The following MYH8 variants were observed in gnomAD, a reference collection of about 807,000 sequenced individuals.
The protein encoded by MYH8 is myosin heavy chain 8.
Under a neutral mutation model 233.2 loss-of-function variants are expected in MYH8, and 168 were observed. The observed-to-expected ratio is 0.72, with a 90% CI of 0.64 to 0.82. MYH8 has a LOEUF of 0.82. Ranked by LOEUF, MYH8 falls within the 40% of genes least tolerant of loss-of-function variation. MYH8 has a pLI of 0.00. For missense variants in MYH8, 1,995 were observed against 2,327.8 expected, an observed-to-expected ratio of 0.86 and a Z score of 2.94; for synonymous variants, 785 against 850.6, an observed-to-expected ratio of 0.92 and a Z score of 1.34.
intron 5 of MYH8, among the ~76,000 whole-genome samples, chr17:10,418,025 G>T (rs533486490): frequency 6.6e-6 from 1 of 152,342 alleles, no homozygotes; most frequent in East Asian, 1.9e-4. Flanking sequence ...GCGTATCAAA[G>T]CTGGTTGTTT....
At position 10,394,320 on chromosome 17, in the gene MYH8, CT is replaced by C. The variant is rs749506009; in HGVS notation, c.5094del (p.Glu1699ArgfsTer35). ...IEELWATLEQTERSRKIAEQE... is the reference protein window; with the variant it reads ...IEELWATLEQXERSRKIAEQE... ...TGTTCGGCGATTTTCCTGCTTCTCTCTGTCTGTTCCAGAGTGGCCCACAGCT... is the reference window on the plus strand; with the variant it reads ...TGTTCGGCGATTTTCCTGCTTCTCTCGTCTGTTCCAGAGTGGCCCACAGCT... On this transcript the variant is annotated frameshift_variant, in exon 35 of 40. Coordinates refer to ENST00000403437, the MANE Select transcript of MYH8 (RefSeq NM_002472.3). LOFTEE classifies it high-confidence loss of function. 6.2e-7 allele frequency: 1 copy of C among 1,613,998 alleles called. No individual in the cohort carries two copies. The highest frequency in any genetic ancestry group is 1.3e-5 in the African/African-American group (1 of 74,908).
rs1063927 is a variant in MYH8 at position 10,398,860 on chromosome 17, T to G, written c.3889A>C (p.Lys1297Gln). The change falls in exon 29 of 40, where the codon AAA becomes CAA. Residue 1297 changes from lysine to glutamine, a missense_variant. Physicochemically the swap from Lys to Gln is moderately conservative, Grantham distance 53. This residue lies in a region of MYH8 where 1,498 missense variants were observed against 1,680.9 expected (regional missense o/e 0.89). Transcript: ENST00000403437. ...GAAAGCTGAGAGACTAAAGCATCTT[T>G]CTCATCTAATTGTCGAGAATATTCA... ...AGEYSRQLDE[K>Q]DALVSQLSRS... The G allele has an allele frequency of 1.9e-6, 3 of 1,613,484 alleles. No individual in the cohort carries two copies. Among genetic ancestry groups the G allele is most frequent in the South Asian group, 2.2e-5 (2 of 91,072 alleles).
At chr17:10,398,102 A>G (rs1473156778) in intron 30 of MYH8, among the ~76,000 whole-genome samples, 1 of 152,138 alleles carries the variant, frequency 6.6e-6, no homozygotes, top group Non-Finnish European at 1.5e-5. Context: ...GAGTTTTAAG[A>G]GGTATGTCTT....
rs746730395 is a variant in MYH8 at position 10,406,096 on chromosome 17, CT to C, written c.2376del (p.Ala793LeufsTer7). Reference protein sequence around the residue: ...EKLAQIITRTQAVCRGFLMRV... With the variant: ...EKLAQIITRTXAVCRGFLMRV... ...CTCATTAGGAATCCCCTACAGACAG[CT>C]TGTGTTCTTGTTATAATTTGGGCTA... On this transcript the variant is annotated frameshift_variant, in exon 21 of 40. Transcript: ENST00000403437. LOFTEE classifies it high-confidence loss of function. The C allele has an allele frequency of 1.9e-6, 3 of 1,613,976 alleles. No homozygotes were observed. The African/African-American group carries it at 4.0e-5, about 22-fold the overall frequency.
In MYH8 at chr17:10,394,455, A is replaced by C. The variant is rs767902908; in HGVS notation, c.4963-3T>G. 6.2e-7 allele frequency: 1 copy of C among 1,614,058 alleles called. No individual in the cohort carries two copies. The highest frequency in any genetic ancestry group is 1.1e-5 in the South Asian group (1 of 91,064). On this transcript the variant is annotated splice_polypyrimidine_tract_variant and splice_region_variant and intron_variant, in intron 34 of 39. Transcript: ENST00000403437. Reference sequence around the variant, plus strand: ...TCATCCAGGTGGAGCTGGGTTTCCTAATAAGTGAAAAACAGAAAGGCCTTA... The same window carrying C: ...TCATCCAGGTGGAGCTGGGTTTCCTCATAAGTGAAAAACAGAAAGGCCTTA...
Position 10,410,843 on chromosome 17 carries a change from T to C in MYH8, c.1521A>G (p.Glu507=), listed in dbSNP as rs1397518729. Residue 507 remains glutamate (E), a synonymous_variant, in exon 15 of 40, where the codon GAA becomes GAG. Transcript: ENST00000403437. ...FVLEQEEYKK[E]GIEWTFIDFG... is the part of the protein sequence containing the mutation. ...AGTCAATGAACGTCCACTCGATGCC[T>C]TCCTTCTTGTACTCCTCCTGCTCTA... 1.2e-6 allele frequency: 2 copies of C among 1,613,976 alleles called. No homozygotes were observed. Among genetic ancestry groups the C allele is most frequent in the African/African-American group, 1.3e-5 (1 of 75,006 alleles).
intron 22 of MYH8, among the ~76,000 whole-genome samples, 185 bp from the exon 23 acceptor site, chr17:10,401,970 A>G (rs149317757): frequency 6.6e-6 from 1 of 152,336 alleles, no homozygotes; most frequent in African/African-American, 2.4e-5. Context: ...GTGAGACTAT[A>G]GCTTTAGAAG....
At chr17:10,421,631 G>A (rs1016217404) in intron 2 of MYH8, 32 bp downstream of exon 2, 13 of 152,122 alleles carry the variant, frequency 8.5e-5, no homozygotes, top group African/African-American at 2.9e-4. Flanking sequence ...TATCCCCTCT[G>A]TCATCAATAA....
At position 10,404,530 on chromosome 17, in the gene MYH8, A is replaced by C. The variant is rs763703050; in HGVS notation, c.2488T>G (p.Trp830Gly). 1.1e-5 allele frequency: 17 copies of C among 1,614,050 alleles called. No individual in the cohort carries two copies. The highest frequency in any genetic ancestry group is 1.4e-5 in the Non-Finnish European group (16 of 1,179,936). The change falls in exon 22 of 40, where the codon TGG (tryptophan) becomes GGG (glycine). Residue 830 changes from tryptophan (W) to glycine (G), a missense_variant. Physicochemically the swap from Trp to Gly is radical, Grantham distance 184. Coordinates refer to ENST00000403437, the MANE Select transcript of MYH8 (RefSeq NM_002472.3). ...TTGAAAAAGAGTTTCATCCAGGGCCAGTGCTTGACGTTCATGAAGGCACGG... is the reference window on the plus strand; with the variant it reads ...TTGAAAAAGAGTTTCATCCAGGGCCCGTGCTTGACGTTCATGAAGGCACGG... ...NVRAFMNVKH[W>G]PWMKLFFKIK... is the part of the protein sequence containing the mutation.
rs561477317 is a variant in MYH8, at chr17:10,419,879, G to T, written c.210+139C>A. 1 of 956,212 alleles carries T rather than the reference G, an allele frequency of 1.0e-6. No homozygotes were observed. The highest frequency in any genetic ancestry group is 1.7e-6 in the Non-Finnish European group (1 of 598,150). 59.2% of individuals were successfully genotyped at this position (956,212 alleles called of 1,614,324 possible). On this transcript the variant is annotated intron_variant, in intron 3 of 39. Transcript: ENST00000403437. The surrounding 1 kb of genome is among the most constrained non-coding windows in gnomAD (Gnocchi z 4.0). ...GAAGGTACTGCTGTGAATTTCTTTT[G>T]CCTTCCACATCTAATGTCTCAACAC...
chr17:10,409,110 G>C lies in MYH8; in HGVS notation c.1952C>G (p.Ser651Cys). The C allele has an allele frequency of 6.2e-7, 1 of 1,614,110 alleles. No homozygotes were observed. Among genetic ancestry groups the C allele is most frequent in the Non-Finnish European group, 8.5e-7 (1 of 1,179,956 alleles). ...TTTGTACTTTACCCTGAAAAGGGCA[G>C]ACACAGTCTGGAAAGAAGAGCCCTT... ...KKKGSSFQTV[S>C]ALFRENLNKL... Residue 651 changes from serine to cysteine, a missense_variant, in exon 17 of 40, where the codon TCT (serine) becomes TGT (cysteine). Physicochemically the swap from Ser to Cys is moderately radical, Grantham distance 112 (BLOSUM62 -1). Around this residue, in one of 3 missense-constraint regions of MYH8, gnomAD observed 1,498 missense variants for 1,680.9 expected, o/e 0.89. Coordinates refer to ENST00000403437, the MANE Select transcript of MYH8 (RefSeq NM_002472.3).
chr17:10,410,332 G>A (rs2072233463), intron 15 of MYH8, among the ~76,000 whole-genome samples: 1 of 152,076 alleles, frequency 6.6e-6, no homozygotes, highest in Non-Finnish European at 1.5e-5. Flanking sequence ...AAATAAAATA[G>A]ATTATGAAGT....
rs543317777 is a variant in MYH8 at position 10,419,552 on chromosome 17, A to G, written c.210+466T>C. Among the ~76,000 whole-genome samples the G allele has an allele frequency of 6.6e-6, 1 of 152,328 alleles. No individual in the cohort carries two copies. The highest frequency in any genetic ancestry group is 6.5e-5 in the Admixed American group (1 of 15,304). ...TGAGCTAGGACACTATCTTTTTAAA[A>G]GATTTTTTCCTCCCACATTCTCTTA... On this transcript the variant is annotated intron_variant, in intron 3 of 39. Transcript: ENST00000403437. The surrounding 1 kb of genome is among the most constrained non-coding windows in gnomAD (Gnocchi z 4.0).
Position 10,419,174 on chromosome 17 carries a change from C to T in MYH8, c.211-144G>A, listed in dbSNP as rs2072315276. 9.8e-7 allele frequency: 1 copy of T among 1,016,618 alleles called. No homozygotes were observed. Among genetic ancestry groups the T allele is most frequent in the Non-Finnish European group, 1.5e-6 (1 of 666,892 alleles). The allele number at this position is 1,016,618 out of a possible 1,614,324, so 63.0% of individuals were successfully genotyped here. On this transcript the variant is annotated intron_variant, in intron 3 of 39. Coordinates refer to ENST00000403437, the MANE Select transcript of MYH8 (RefSeq NM_002472.3). This position sits in a 1 kb window ranked among gnomAD's most constrained non-coding sequence, Gnocchi z 4.0. ...CCTGCTTCAAGTGATTGTCCTGCCT[C>T]AGCCTTCTGAGTAGCTGGGATTGCA...
rs200075946 is a variant in MYH8, at chr17:10,396,480, A to G, written c.4529-26T>C. ...CTGTGGTTGAACAGACAGGAGAGAA[A>G]TGGTCAGAAAGATGGCAACATGGAA... On this transcript the variant is annotated intron_variant, in intron 32 of 39. Transcript: ENST00000403437. The surrounding 1 kb of genome is among the most constrained non-coding windows in gnomAD (Gnocchi z 4.2). 1.9e-5 allele frequency: 31 copies of G among 1,614,088 alleles called. 1 individual carries two copies. In the Middle Eastern group the frequency reaches 4.9e-4, roughly 26 times the overall value.
chr17:10,412,761 A>T (rs770894031), intron 12 of MYH8, 33 bp from the exon 13 acceptor site: 1 of 1,507,710 alleles, frequency 6.6e-7, no homozygotes, highest in Non-Finnish European at 9.2e-7. Context: ...ATGTTGTTTC[A>T]TGAAGGATAT....
chr17:10,395,841 G>A (rs943215922), intron 33 of MYH8, among the ~76,000 whole-genome samples: 1 of 151,892 alleles, frequency 6.6e-6, no homozygotes, highest in Admixed American at 6.6e-5. Context: ...TGTATAATGT[G>A]GAGGCAATAC....
At chr17:10,414,556 C>T in intron 9 of MYH8, 72 bp from the exon 10 acceptor site, 1 of 1,041,074 alleles carries the variant, frequency 9.6e-7, no homozygotes, top group Non-Finnish European at 1.5e-6. Flanking sequence ...AACCTCACGT[C>T]TTTGGTCAAA....
In MYH8 at chr17:10,419,960, C is replaced by T; in HGVS notation, c.210+58G>A. 1.3e-6 allele frequency: 2 copies of T among 1,558,560 alleles called. No individual in the cohort carries two copies. The highest frequency in any genetic ancestry group is 1.8e-6 in the Non-Finnish European group (2 of 1,130,430). ...GCTTGGAGATTCCCAGTAAGTTAGG[C>T]TTCAACTTTTGAACCAAGAAATAAA... On this transcript the variant is annotated intron_variant, in intron 3 of 39. Coordinates refer to ENST00000403437, the MANE Select transcript of MYH8 (RefSeq NM_002472.3). This position sits in a 1 kb window ranked among gnomAD's most constrained non-coding sequence, Gnocchi z 4.0.
Sources: gnomAD v4.1 joint callset for allele counts (sites outside exome capture counted in the v4.1 genomes callset) on GRCh38, gnomAD v4.1.1 for gene constraint, gnomAD v4.1.1 regional missense constraint, Gnocchi (gnomAD v3.1) non-coding constraint, MANE v1.5 for transcripts, NCBI Gene and HGNC (gene_info 2026-07-23, HGNC 2026-07-21) for gene names.